The following MYO1D variants were observed in gnomAD, a reference collection of about 807,000 sequenced individuals.
MYO1D encodes myosin ID.
Under a neutral mutation model 122.0 loss-of-function variants are expected in MYO1D, and 83 were observed. That is an observed-to-expected ratio of 0.68 (90% CI 0.57 to 0.82). The LOEUF is 0.82. MYO1D is among the 40% of genes least tolerant of loss of function. The probability of loss-of-function intolerance (pLI) is 0.00; values close to 1 mark genes in which losing one functional copy is unlikely to be tolerated. For synonymous variants in MYO1D, 464 were observed against 446.9 expected, an observed-to-expected ratio of 1.04 and a Z score of -0.48; for missense variants, 1,157 against 1,269.5, an observed-to-expected ratio of 0.91 and a Z score of 1.35.
At chr17:32,620,305 G>A (rs748344008) in intron 20 of MYO1D, among the ~76,000 whole-genome samples, 1 of 152,178 alleles carries the variant, frequency 6.6e-6, no homozygotes, top group Non-Finnish European at 1.5e-5. Context: ...GAGGGTGGAG[G>A]GCTAGGCTTT....
intron 6 of MYO1D, among the ~76,000 whole-genome samples, chr17:32,770,703 T>C (rs2090104542): frequency 6.6e-6 from 1 of 152,132 alleles, no homozygotes; most frequent in Non-Finnish European, 1.5e-5. Flanking sequence ...TACATCAAAA[T>C]CAACATTTGA....
In MYO1D at chr17:32,755,661, A is replaced by G. The variant is rs775556017; in HGVS notation, c.1298T>C (p.Ile433Thr). Reference protein sequence around the residue: ...YQREGIPWKHIDYFNNQIIVD... With the variant: ...YQREGIPWKHTDYFNNQIIVD... ...AATGATCTGATTGTTGAAGTAGTCAATCTGTAGGACACAGCAAGGAGGGAA... is the reference window on the plus strand; with the variant it reads ...AATGATCTGATTGTTGAAGTAGTCAGTCTGTAGGACACAGCAAGGAGGGAA... Residue 433 changes from isoleucine (I) to threonine (T), a missense_variant and splice_region_variant, in exon 11 of 22, where the codon ATT (isoleucine) becomes ACT (threonine). Physicochemically the swap from Ile to Thr is moderately conservative, Grantham distance 89. Transcript: ENST00000318217. 1 of 1,612,842 alleles carries G rather than the reference A, an allele frequency of 6.2e-7. No individual in the cohort carries two copies. Among genetic ancestry groups the G allele is most frequent in the Non-Finnish European group, 8.5e-7 (1 of 1,179,252 alleles).
chr17:32,755,905 A>C (rs1431227619), intron 10 of MYO1D, among the ~76,000 whole-genome samples: 1 of 152,188 alleles, frequency 6.6e-6, no homozygotes, highest in Non-Finnish European at 1.5e-5. Flanking sequence ...CAAGGCAAAG[A>C]TAATAAGGTA....
At chr17:32,754,664 A>G (rs560656720) in intron 11 of MYO1D, among the ~76,000 whole-genome samples, 4 of 152,348 alleles carry the variant, frequency 2.6e-5, no homozygotes, top group African/African-American at 9.6e-5. Flanking sequence ...GGAGAGGCAG[A>G]AATGTTTGCC....
At chr17:32,710,158 C>G (rs961055941) in intron 16 of MYO1D, among the ~76,000 whole-genome samples, 9 of 151,786 alleles carry the variant, frequency 5.9e-5, no homozygotes, top group African/African-American at 1.9e-4. Flanking sequence ...ATAAACTAAC[C>G]CTCTAACACA....
At chr17:32,579,242 A>AT (rs780940415) in intron 21 of MYO1D, among the ~76,000 whole-genome samples, 3 of 151,764 alleles carry the variant, frequency 2.0e-5, no homozygotes, top group South Asian at 4.2e-4. Context: ...TAATTTTTAA[A>AT]TTTTTTTGTA....
intron 6 of MYO1D, among the ~76,000 whole-genome samples, chr17:32,769,153 T>C (rs2090089476): frequency 6.6e-6 from 1 of 152,190 alleles, no homozygotes; most frequent in South Asian, 2.1e-4. Flanking sequence ...GGAAAGTGTT[T>C]ATGGGGGATG....
Position 32,700,256 on chromosome 17 carries a change from C to T in MYO1D, c.2121+11732G>A, listed in dbSNP as rs138323130. Among the ~76,000 whole-genome samples the T allele has an allele frequency of 1.3e-3, 199 of 152,310 alleles. 3 individuals carry two copies. The East Asian group carries it at 0.031, about 24-fold the overall frequency. ...GAAACTGTTCCATCAGATCATCAGG[C>T]ATTAGATTCTCATAAGGAGTGTACA... On this transcript the variant is annotated intron_variant, in intron 16 of 21. Transcript: ENST00000318217.
chr17:32,816,039 TC>T (rs2090610835), intron 1 of MYO1D, among the ~76,000 whole-genome samples: 1 of 152,214 alleles, frequency 6.6e-6, no homozygotes, highest in Admixed American at 6.5e-5. Context: ...TTGATTCTTC[TC>T]AATATCTCTC....
chr17:32,795,482 A>G (rs1209986396), intron 1 of MYO1D, among the ~76,000 whole-genome samples: 1 of 152,046 alleles, frequency 6.6e-6, no homozygotes, highest in Non-Finnish European at 1.5e-5. Flanking sequence ...TCCTGGTATA[A>G]TAGAAACAAA....
intron 21 of MYO1D, among the ~76,000 whole-genome samples, chr17:32,518,170 C>T (rs1057180357): frequency 1.3e-5 from 2 of 152,258 alleles, no homozygotes; most frequent in African/African-American, 4.8e-5. Flanking sequence ...CCGCCATCAC[C>T]CTCTTTCTTG....
intron 1 of MYO1D, among the ~76,000 whole-genome samples, chr17:32,872,490 G>A (rs1046680826): frequency 1.3e-5 from 2 of 152,012 alleles, no homozygotes; most frequent in Non-Finnish European, 2.9e-5. Context: ...TAGCCAGGAT[G>A]GTCTCGATCT....
intron 21 of MYO1D, chr17:32,495,948 T>A (rs1909087987): frequency 1.3e-5 from 2 of 152,424 alleles, no homozygotes; most frequent in African/African-American, 4.8e-5. Context: ...TTGAACGCTC[T>A]GCTGGACTTA....
chr17:32,622,122 G>A (rs1307341401), intron 20 of MYO1D, among the ~76,000 whole-genome samples: 1 of 152,132 alleles, frequency 6.6e-6, no homozygotes, highest in Non-Finnish European at 1.5e-5. Context: ...ATTTGAGACT[G>A]ACCTTTCTCA....
chr17:32,520,594 G>A (rs1910100117), intron 21 of MYO1D, among the ~76,000 whole-genome samples: 1 of 152,250 alleles, frequency 6.6e-6, no homozygotes, highest in Admixed American at 6.5e-5. Context: ...AGGTTGGTGT[G>A]GGCTGGCAGG....
At chr17:32,624,050 C>G (rs1441706071) in intron 20 of MYO1D, among the ~76,000 whole-genome samples, 1 of 152,134 alleles carries the variant, frequency 6.6e-6, no homozygotes, top group Non-Finnish European at 1.5e-5. Flanking sequence ...ATAAAAAACT[C>G]TAATGGCAGA....
intron 21 of MYO1D, among the ~76,000 whole-genome samples, chr17:32,522,937 C>T (rs2150868226): frequency 6.6e-6 from 1 of 152,252 alleles, no homozygotes; most frequent in East Asian, 1.9e-4. Context: ...CTGCCTCAGC[C>T]TCCCGAGTAG....
chr17:32,539,229 C>T (rs888315983), intron 21 of MYO1D, among the ~76,000 whole-genome samples: 1 of 149,516 alleles, frequency 6.7e-6, no homozygotes, highest in Non-Finnish European at 1.5e-5. Context: ...ATCGTTTGAG[C>T]CCAGGTGTTC....
At chr17:32,717,226 C>T (rs1313286441) in intron 15 of MYO1D, among the ~76,000 whole-genome samples, 2 of 152,174 alleles carry the variant, frequency 1.3e-5, no homozygotes, top group African/African-American at 2.4e-5. Flanking sequence ...ATATTCACAA[C>T]TATTATTATA....
Sources: gnomAD v4.1 joint callset for allele counts (sites outside exome capture counted in the v4.1 genomes callset) on GRCh38, gnomAD v4.1.1 for gene constraint, MANE v1.5 for transcripts, NCBI Gene and HGNC (gene_info 2026-07-23, HGNC 2026-07-21) for gene names.